Variants in LHFPL2 observed in about 807,000 individuals in gnomAD.
LHFPL2 encodes LHFPL tetraspan subfamily member 2, also known as LHFPL tetraspan subfamily member 2 protein.
In LHFPL2, 7 loss-of-function variants were observed where a neutral mutation model predicts 17.5. That is an observed-to-expected ratio of 0.40 (90% CI 0.23 to 0.75). The LOEUF is 0.75. Among genes scored for constraint, LHFPL2 ranks in the 30% least tolerant of loss-of-function variants. The probability of loss-of-function intolerance (pLI) is 0.37; values close to 1 mark genes in which losing one functional copy is unlikely to be tolerated. For missense variants in LHFPL2, 241 were observed against 294.8 expected, an observed-to-expected ratio of 0.82 and a Z score of 1.34; for synonymous variants, 134 against 116.2, an observed-to-expected ratio of 1.15 and a Z score of -0.99.
chr5:78,500,643 CCACT>C (rs1475697578), intron 4 of LHFPL2, among the ~76,000 whole-genome samples: 2 of 152,176 alleles, frequency 1.3e-5, no homozygotes, highest in Non-Finnish European at 2.9e-5. Flanking sequence ...CTTCAGTTAG[CCACT>C]CAGAGTCTGA....
intron 3 of LHFPL2, among the ~76,000 whole-genome samples, chr5:78,556,241 G>T (rs1405722610): frequency 2.6e-5 from 4 of 152,194 alleles, no homozygotes; most frequent in Non-Finnish European, 5.9e-5. Context: ...GTAAAATTAT[G>T]CATTCCAATA....
At chr5:78,538,075 A>C (rs1160228121) in intron 3 of LHFPL2, among the ~76,000 whole-genome samples, 1 of 152,188 alleles carries the variant, frequency 6.6e-6, no homozygotes, top group East Asian at 1.9e-4. Flanking sequence ...TAGAGCCCCT[A>C]GTCCTGCGGC....
intron 3 of LHFPL2, among the ~76,000 whole-genome samples, chr5:78,517,709 A>G (rs943869504): frequency 2.0e-5 from 3 of 152,292 alleles, no homozygotes; most frequent in South Asian, 4.1e-4. Flanking sequence ...CCATGATTCA[A>G]TTACCTCCCA....
intron 2 of LHFPL2, among the ~76,000 whole-genome samples, chr5:78,589,209 G>A (rs1269611917): frequency 6.6e-6 from 1 of 152,086 alleles, no homozygotes; most frequent in Non-Finnish European, 1.5e-5. Context: ...AGTGGCTCAC[G>A]CCTGTAATCC....
rs1366033424 is a variant in LHFPL2, at chr5:78,489,116, A to C, written c.468T>G (p.Ala156=). The change falls in exon 5 of 5, where the codon GCT becomes GCG. Residue 156 remains alanine, a synonymous_variant. Coordinates refer to ENST00000380345, the MANE Select transcript of LHFPL2 (RefSeq NM_005779.3). ...FLILGLILYP[A]GWGCQKAIDY... ...CTATGGCCTTCTGGCAACCCCAGCC[A>C]GCAGGGTAGAGTATCAAACCGAGGA... 6.2e-7 allele frequency: 1 copy of C among 1,614,122 alleles called. No individual in the cohort carries two copies. The highest frequency in any genetic ancestry group is 1.3e-5 in the African/African-American group (1 of 74,950).
chr5:78,550,940 C>T (rs990503530), intron 3 of LHFPL2, among the ~76,000 whole-genome samples: 14 of 152,320 alleles, frequency 9.2e-5, no homozygotes, highest in African/African-American at 2.9e-4. Context: ...TTATTTTTAT[C>T]TTGCTGCTGA....
At chr5:78,502,265 A>G (rs930928581) in intron 4 of LHFPL2, among the ~76,000 whole-genome samples, 1 of 152,262 alleles carries the variant, frequency 6.6e-6, no homozygotes, top group Admixed American at 6.5e-5. Flanking sequence ...TCAGTTAAAA[A>G]TTGTCTGATG....
intron 2 of LHFPL2, among the ~76,000 whole-genome samples, chr5:78,620,524 C>T (rs916435371): frequency 3.9e-5 from 6 of 152,170 alleles, no homozygotes; most frequent in Non-Finnish European, 7.3e-5. Context: ...ATCAGTCTCA[C>T]GCCAAGGCAA....
chr5:78,569,188 T>TA (rs1756934453), intron 2 of LHFPL2, among the ~76,000 whole-genome samples: 1 of 152,144 alleles, frequency 6.6e-6, no homozygotes, highest in East Asian at 1.9e-4. Context: ...CAAGATTAGC[T>TA]AAAACAAAAA....
intron 3 of LHFPL2, among the ~76,000 whole-genome samples, chr5:78,539,494 T>C (rs553544924): frequency 2.0e-5 from 3 of 152,190 alleles, no homozygotes; most frequent in East Asian, 3.8e-4. Context: ...GTAAAGTGCT[T>C]AGCATACGGT....
intron 3 of LHFPL2, 61 bp from the exon 4 acceptor site, chr5:78,510,459 C>T (rs1755080433): frequency 1.9e-6 from 1 of 514,468 alleles, no homozygotes; most frequent in South Asian, 2.6e-5. Context: ...TCCCGCCGCG[C>T]AGCGACACCG....
chr5:78,550,199 C>T (rs1756400285), intron 3 of LHFPL2, among the ~76,000 whole-genome samples: 1 of 152,226 alleles, frequency 6.6e-6, no homozygotes, highest in Admixed American at 6.5e-5. Context: ...TGGAGCCTCC[C>T]ATACAATTTT....
chr5:78,571,626 G>GC (rs1307575816), intron 2 of LHFPL2, among the ~76,000 whole-genome samples: 3 of 151,888 alleles, frequency 2.0e-5, no homozygotes, highest in South Asian at 2.1e-4. Context: ...GGTGAGGCAG[G>GC]CCCCCCCAAA....
intron 3 of LHFPL2, among the ~76,000 whole-genome samples, chr5:78,543,597 G>A (rs1401620566): frequency 6.6e-6 from 1 of 152,142 alleles, no homozygotes; most frequent in Non-Finnish European, 1.5e-5. Flanking sequence ...CCCCAGGCCT[G>A]GCCTTCTGGC....
chr5:78,612,005 G>A (rs938875335), intron 2 of LHFPL2, among the ~76,000 whole-genome samples: 1 of 150,052 alleles, frequency 6.7e-6, no homozygotes, highest in Non-Finnish European at 1.5e-5. Flanking sequence ...ATTTCTCTCC[G>A]AAACAACGAA....
chr5:78,586,797 A>G (rs1743425416), intron 2 of LHFPL2, among the ~76,000 whole-genome samples: 1 of 152,194 alleles, frequency 6.6e-6, no homozygotes, highest in Non-Finnish European at 1.5e-5. Flanking sequence ...AATACAGTAT[A>G]AGTTATATTT....
chr5:78,521,212 C>A lies in LHFPL2; in HGVS notation c.-185-10814G>T, dbSNP rs146784309. On this transcript the variant is annotated intron_variant, in intron 3 of 4. Transcript: ENST00000380345. Reference sequence around the variant, plus strand: ...CAAAACATAAACTGTATGAAACAGTCCTATAAAATTAACGTGTGCTATTTA... The same window carrying A: ...CAAAACATAAACTGTATGAAACAGTACTATAAAATTAACGTGTGCTATTTA... 2.6e-4 allele frequency among the ~76,000 whole-genome samples: 39 copies of A among 152,248 alleles called. No homozygotes were observed. The East Asian group carries it at 7.4e-3, about 29-fold the overall frequency.
chr5:78,591,183 G>T (rs777994220), intron 2 of LHFPL2, among the ~76,000 whole-genome samples: 8 of 152,100 alleles, frequency 5.3e-5, no homozygotes, highest in Non-Finnish European at 7.3e-5. Flanking sequence ...CTAATGACTT[G>T]GTGTGTACAT....
At chr5:78,490,800 A>T (rs1188417924) in intron 4 of LHFPL2, among the ~76,000 whole-genome samples, 1 of 151,798 alleles carries the variant, frequency 6.6e-6, no homozygotes, top group Non-Finnish European at 1.5e-5. Context: ...GGGCAAAAAC[A>T]TTTTCTCTGA....
Sources: gnomAD v4.1 joint callset for allele counts (sites outside exome capture counted in the v4.1 genomes callset) on GRCh38, gnomAD v4.1.1 for gene constraint, MANE v1.5 for transcripts, NCBI Gene and HGNC (gene_info 2026-07-23, HGNC 2026-07-21) for gene names.